The following MME variants were observed in gnomAD, a reference collection of about 807,000 sequenced individuals.
The protein encoded by MME is membrane metalloendopeptidase.
A neutral mutation model predicts 113.2 loss-of-function variants in MME; 98 were observed. That is an observed-to-expected ratio of 0.87 (90% CI 0.74 to 1.02). MME has a LOEUF of 1.02. MME is among the 50% of genes least tolerant of loss of function. MME has a pLI of 0.00. For synonymous variants in MME, 292 were observed against 300.6 expected, an observed-to-expected ratio of 0.97 and a Z score of 0.30; for missense variants, 836 against 896.0, an observed-to-expected ratio of 0.93 and a Z score of 0.86.
chr3:155,070,127 T>A (rs1281758976), intron 1 of MME, among the ~76,000 whole-genome samples: 1 of 152,360 alleles, frequency 6.6e-6, no homozygotes, highest in African/African-American at 2.4e-5. Flanking sequence ...TTTTTGGAGC[T>A]ATTTTTCAAT....
At chr3:155,124,364 A>G (rs1350866523) in intron 8 of MME, among the ~76,000 whole-genome samples, 1 of 151,918 alleles carries the variant, frequency 6.6e-6, no homozygotes, top group East Asian at 1.9e-4. Context: ...TTTGGTTTGA[A>G]TGTCCTCCTG....
In MME at chr3:155,172,119, C is replaced by T; in HGVS notation, c.1983C>T (p.Ala661=). The change falls in exon 21 of 23, where the codon GCC becomes GCT. Residue 661 remains alanine, a splice_region_variant and synonymous_variant. Transcript: ENST00000360490. ...DNGGLGQAYR[A]YQNYIKKNGE... is the part of the protein sequence containing the mutation. Reference sequence around the variant, plus strand: ...TTTCTATTTTATCAACTGCCTAGGCCTATCAGAATTATATTAAAAAGAATG... The same window carrying T: ...TTTCTATTTTATCAACTGCCTAGGCTTATCAGAATTATATTAAAAAGAATG... The T allele has an allele frequency of 1.3e-6, 2 of 1,567,174 alleles. No homozygotes were observed. The highest frequency in any genetic ancestry group is 2.2e-5 in the South Asian group (2 of 90,094).
In MME at chr3:155,182,458, T is replaced by C. The variant is rs1341253093; in HGVS notation, c.*1999T>C. On this transcript the variant is annotated 3_prime_UTR_variant, in exon 23 of 23. Coordinates refer to ENST00000360490, the MANE Select transcript of MME (RefSeq NM_007289.4). ...AAAATTATTATAAGCATTGAAATTATAGTTTCAAGCCAACTGTGGATACCC... is the reference window on the plus strand; with the variant it reads ...AAAATTATTATAAGCATTGAAATTACAGTTTCAAGCCAACTGTGGATACCC... 2 of 152,234 alleles carry C rather than the reference T, an allele frequency of 1.3e-5. No individual in the cohort carries two copies. The highest frequency in any genetic ancestry group is 4.8e-5 in the African/African-American group (2 of 41,470). 9.4% of individuals were successfully genotyped at this position (152,234 alleles called of 1,614,324 possible).
chr3:155,161,398 ATTC>A (rs2108352636), intron 17 of MME, among the ~76,000 whole-genome samples: 1 of 152,252 alleles, frequency 6.6e-6, no homozygotes, highest in East Asian at 1.9e-4. Flanking sequence ...ATTCTAAACC[ATTC>A]TTCTTATAGC....
At chr3:155,107,651 C>A (rs115716702) in intron 3 of MME, among the ~76,000 whole-genome samples, 2 of 152,132 alleles carry the variant, frequency 1.3e-5, no homozygotes, top group Admixed American at 1.3e-4. Flanking sequence ...TTTGCTAATT[C>A]ACCTACTCCC....
rs376851817 is a variant in MME, at chr3:155,118,677, T to C, written c.655-69T>C. 2.0e-5 allele frequency: 20 copies of C among 988,106 alleles called. No homozygotes were observed. The African/African-American group carries it at 3.1e-4, about 15-fold the overall frequency. 61.2% of individuals were successfully genotyped at this position (988,106 alleles called of 1,614,324 possible). The stretch of plus-strand genomic sequence containing the variant: ...GATCTTTCACATACATAGATAGACA[T>C]GCTTGTATTTTTCAAACTTTTCTAT... On this transcript the variant is annotated intron_variant, in intron 7 of 22. Coordinates refer to ENST00000360490, the MANE Select transcript of MME (RefSeq NM_007289.4).
At chr3:155,063,485 A>T (rs1170519738) in intron 1 of MME, among the ~76,000 whole-genome samples, 2 of 92,662 alleles carry the variant, frequency 2.2e-5, no homozygotes, top group Admixed American at 1.2e-4. Context: ...TTATTATTTT[A>T]TATATATATA....
At chr3:155,091,868 A>G (rs979274700) in intron 3 of MME, among the ~76,000 whole-genome samples, 3 of 152,154 alleles carry the variant, frequency 2.0e-5, no homozygotes, top group Admixed American at 2.0e-4. Context: ...TTTTGATCCT[A>G]TTTCTGAACC....
intron 1 of MME, among the ~76,000 whole-genome samples, chr3:155,065,986 T>C (rs1440101343): frequency 1.3e-5 from 2 of 152,208 alleles, no homozygotes; most frequent in Non-Finnish European, 2.9e-5. Context: ...AGGGATTTAA[T>C]TATTTAAGTA....
At chr3:155,073,151 C>G (rs1049308329) in intron 1 of MME, among the ~76,000 whole-genome samples, 1 of 152,168 alleles carries the variant, frequency 6.6e-6, no homozygotes, top group Non-Finnish European at 1.5e-5. Flanking sequence ...CCAATAGAAT[C>G]ACATAATCTC....
At chr3:155,047,725 G>A (rs761020352) in intron 1 of MME, among the ~76,000 whole-genome samples, 14 of 152,152 alleles carry the variant, frequency 9.2e-5, no homozygotes, top group Admixed American at 5.2e-4. Flanking sequence ...CATGTTCTTG[G>A]TTCTCTGTAT....
At position 155,163,012 on chromosome 3, in the gene MME, C is replaced by CAA. The variant is rs57700088; in HGVS notation, c.1660+2582_1660+2583dup. Among the ~76,000 whole-genome samples the CAA allele has an allele frequency of 1.4e-3, 107 of 78,232 alleles. 1 individual carries two copies. The highest frequency in any genetic ancestry group is 2.5e-3 in the South Asian group (6 of 2,388). 51.3% of individuals were successfully genotyped at this position (78,232 alleles called of 152,430 possible). A position where few individuals can be genotyped will look rare whatever the true frequency, so the allele number is the denominator to read the frequency against. On this transcript the variant is annotated intron_variant, in intron 17 of 22. Coordinates refer to ENST00000360490, the MANE Select transcript of MME (RefSeq NM_007289.4). ...TGGGTGACAAAACAAAACTCTGTCT[C>CAA]AAAAAAAAAAAAAAAAAAAGAAAGA...
At chr3:155,134,302 T>A (rs1308921671) in intron 8 of MME, among the ~76,000 whole-genome samples, 1 of 152,054 alleles carries the variant, frequency 6.6e-6, no homozygotes, top group African/African-American at 2.4e-5. Context: ...CCCTCCACCC[T>A]CTATTAATCC....
At chr3:155,141,307 G>A (rs1721071022) in intron 10 of MME, among the ~76,000 whole-genome samples, 1 of 152,126 alleles carries the variant, frequency 6.6e-6, no homozygotes, top group African/African-American at 2.4e-5. Flanking sequence ...GTATAGCATA[G>A]CACCCTATAC....
At chr3:155,163,568 T>G (rs1308557029) in intron 17 of MME, among the ~76,000 whole-genome samples, 1 of 152,336 alleles carries the variant, frequency 6.6e-6, no homozygotes, top group Admixed American at 6.5e-5. Context: ...TCTCTGTAAG[T>G]TCTAGGTGCT....
intron 17 of MME, among the ~76,000 whole-genome samples, chr3:155,165,967 G>T (rs189760081): frequency 6.6e-6 from 1 of 152,284 alleles, no homozygotes; most frequent in Non-Finnish European, 1.5e-5. Context: ...AATGGAGAAA[G>T]TTAGCAAGTT....
At chr3:155,098,233 A>G (rs77718576) in intron 3 of MME, among the ~76,000 whole-genome samples, 1 of 152,086 alleles carries the variant, frequency 6.6e-6, no homozygotes, top group African/African-American at 2.4e-5. Flanking sequence ...TACACTGGAC[A>G]GAAGATATAA....
upstream of MME, among the ~76,000 whole-genome samples, chr3:155,078,896 T>C (rs1344313749): frequency 6.6e-6 from 1 of 152,146 alleles, no homozygotes; most frequent in African/African-American, 2.4e-5. Flanking sequence ...TCGCTGTGTC[T>C]TGAGTGAAAG....
intron 8 of MME, among the ~76,000 whole-genome samples, chr3:155,136,242 C>A (rs938188935): frequency 6.6e-6 from 1 of 152,046 alleles, no homozygotes; most frequent in Non-Finnish European, 1.5e-5. Context: ...GGAATGCTTC[C>A]ACATTTTGCC....
Sources: allele counts gnomAD v4.1 joint callset (sites outside exome capture counted in the v4.1 genomes callset), GRCh38; gene constraint gnomAD v4.1.1; transcripts MANE v1.5; gene names NCBI Gene and HGNC (gene_info 2026-07-23, HGNC 2026-07-21).